NIPA1: variants seen among roughly 807,000 people sequenced by gnomAD.
The protein encoded by NIPA1 is magnesium transporter NIPA1.
A neutral mutation model predicts 23.9 loss-of-function variants in NIPA1; 13 were observed. The ratio of observed to expected loss-of-function variants is 0.54; its 90% CI spans 0.35 to 0.87. NIPA1 has a LOEUF of 0.87. Among genes scored for constraint, NIPA1 ranks in the 40% least tolerant of loss-of-function variants. The pLI is 0.01. For synonymous variants in NIPA1, 234 were observed against 202.9 expected (o/e 1.15, Z -1.30); for missense variants, 362 against 429.7 (o/e 0.84, Z 1.39).
chr15:22,789,670 C>G (rs1894789214), intron 1 of NIPA1, among the ~76,000 whole-genome samples: 1 of 152,122 alleles, frequency 6.6e-6, no homozygotes, highest in African/African-American at 2.4e-5. Context: ...CATGTGGCAC[C>G]AAAGTATGTT....
intron 1 of NIPA1, among the ~76,000 whole-genome samples, chr15:22,801,717 A>G: frequency 6.6e-6 from 1 of 151,828 alleles, no homozygotes; most frequent in South Asian, 2.1e-4. Flanking sequence ...GGGTTTCACC[A>G]TATTGGCCAG....
chr15:22,801,750 T>G (rs751167202), intron 1 of NIPA1, among the ~76,000 whole-genome samples: 15 of 152,092 alleles, frequency 9.9e-5, no homozygotes, highest in Non-Finnish European at 1.6e-4. Flanking sequence ...CTCCTGACCT[T>G]GTGATCCATA....
At chr15:22,818,837 C>T (rs1895476736) in intron 3 of NIPA1, among the ~76,000 whole-genome samples, 1 of 152,180 alleles carries the variant, frequency 6.6e-6, no homozygotes, top group African/African-American at 2.4e-5. Flanking sequence ...GCACTGTCCT[C>T]TGGTATTCCA....
chr15:22,809,628 T>G (rs895873509), intron 1 of NIPA1, among the ~76,000 whole-genome samples: 1 of 151,076 alleles, frequency 6.6e-6, no homozygotes, highest in African/African-American at 2.4e-5. Flanking sequence ...TCCTGTAGTC[T>G]CAGCTACTCG....
chr15:22,815,427 A>G (rs987174585), intron 3 of NIPA1, among the ~76,000 whole-genome samples: 1 of 148,468 alleles, frequency 6.7e-6, no homozygotes, highest in Non-Finnish European at 1.5e-5. Flanking sequence ...CAGGTGGATC[A>G]TTTGAACCCA....
Position 22,827,941 on chromosome 15 carries a change from C to T in NIPA1, c.*3702C>T, listed in dbSNP as rs3812923. 6,687 of 152,194 alleles carry T rather than the reference C, an allele frequency of 0.044. 233 individuals are homozygous for T. Among genetic ancestry groups the T allele is most frequent in the South Asian group, 0.14 (689 of 4,808 alleles). The allele number at this position is 152,194 out of a possible 1,614,324, so 9.4% of individuals were successfully genotyped here. A position where few individuals can be genotyped will look rare whatever the true frequency, so the allele number is the denominator to read the frequency against. Reference sequence around the variant, plus strand: ...CTAACCCAGAAGAGGGGAGAGAGTACTCCGGTGGTTCCCAGAGCCCCTCCC... The same window carrying T: ...CTAACCCAGAAGAGGGGAGAGAGTATTCCGGTGGTTCCCAGAGCCCCTCCC... On this transcript the variant is annotated 3_prime_UTR_variant, in exon 5 of 5. Coordinates refer to ENST00000337435, the MANE Select transcript of NIPA1 (RefSeq NM_144599.5).
At chr15:22,803,800 C>T (rs1895140956) in intron 1 of NIPA1, among the ~76,000 whole-genome samples, 1 of 150,036 alleles carries the variant, frequency 6.7e-6, no homozygotes, top group Non-Finnish European at 1.5e-5. Flanking sequence ...CTGCCTCACG[C>T]TCCCGAGTAG....
chr15:22,818,106 T>TC (rs1378720191), intron 3 of NIPA1, among the ~76,000 whole-genome samples: 1 of 152,134 alleles, frequency 6.6e-6, no homozygotes, highest in African/African-American at 2.4e-5. Context: ...AGAAAAAATT[T>TC]CAAAGTATAT....
intron 1 of NIPA1, among the ~76,000 whole-genome samples, chr15:22,810,171 C>T (rs1395265707): frequency 1.3e-5 from 2 of 152,128 alleles, no homozygotes; most frequent in Non-Finnish European, 2.9e-5. Flanking sequence ...GCTGGGGCTC[C>T]GCCTGCCCTG....
chr15:22,810,859 C>A, intron 2 of NIPA1, 63 bp downstream of exon 2: 2 of 1,319,870 alleles, frequency 1.5e-6, no homozygotes, highest in Non-Finnish European at 2.2e-6. Context: ...CTGGTCTGGG[C>A]AGGGCTGGAG....
At chr15:22,789,426 G>A (rs1203895244) in intron 1 of NIPA1, among the ~76,000 whole-genome samples, 4 of 152,182 alleles carry the variant, frequency 2.6e-5, no homozygotes, top group Non-Finnish European at 5.9e-5. Flanking sequence ...TAGCACCTCA[G>A]TTCTTCCCGG....
intron 4 of NIPA1, 41 bp from the exon 5 acceptor site, chr15:22,823,687 A>T: frequency 1.9e-6 from 3 of 1,570,344 alleles, no homozygotes; most frequent in Non-Finnish European, 2.6e-6. Flanking sequence ...TGCGGCTGCT[A>T]GGCGGTGGCT....
At chr15:22,819,738 A>G (rs1595645448) in intron 3 of NIPA1, among the ~76,000 whole-genome samples, 1 of 152,036 alleles carries the variant, frequency 6.6e-6, no homozygotes, top group Non-Finnish European at 1.5e-5. Context: ...AGATATTAGT[A>G]TTTTTGATTG....
chr15:22,789,559 G>T (rs916059892), intron 1 of NIPA1, among the ~76,000 whole-genome samples: 2 of 152,120 alleles, frequency 1.3e-5, no homozygotes, highest in African/African-American at 2.4e-5. Flanking sequence ...TAGTAAGTAG[G>T]AGAGAAAAGG....
rs556768137 is a variant in NIPA1, at chr15:22,809,669, C to T, written c.179-1080C>T. 2.6e-5 allele frequency among the ~76,000 whole-genome samples: 4 copies of T among 151,398 alleles called. 1 individual carries two copies. Among genetic ancestry groups the T allele is most frequent in the South Asian group, 2.1e-4 (1 of 4,778 alleles). On this transcript the variant is annotated intron_variant, in intron 1 of 4. Transcript: ENST00000337435. The stretch of plus-strand genomic sequence containing the variant: ...CTGAGACGGGAGAATTGTTTGAACC[C>T]GGAAAGTGGAGGTTTCAGTGAGTCA...
intron 1 of NIPA1, among the ~76,000 whole-genome samples, chr15:22,789,056 C>T (rs914923395): frequency 1.3e-5 from 2 of 151,094 alleles, no homozygotes; most frequent in African/African-American, 4.9e-5. Context: ...TGCAATGGCG[C>T]GATCTTGGCT....
intron 3 of NIPA1, chr15:22,814,195 T>A (rs1217298947): frequency 1.1e-6 from 1 of 884,846 alleles, no homozygotes. Context: ...TAAAATTAAT[T>A]TGGAAAAAAA....
rs374817487 is a variant in NIPA1, at chr15:22,823,958, C to G, written c.709C>G (p.Leu237Val). ...CCTGTGCCTGGTACTCCTGGCCGTG[C>G]TCGGCTGCAGCATCATCGTCCAGTT... Reference protein sequence around the residue: ...LCLCLVLLAVLGCSIIVQFRY... With the variant: ...LCLCLVLLAVVGCSIIVQFRY... The change falls in exon 5 of 5, where the codon CTC becomes GTC. Residue 237 changes from leucine to valine, a missense_variant. Leu to Val is a conservative substitution (Grantham distance 32). Around this residue, in one of 2 missense-constraint regions of NIPA1, gnomAD observed 277 missense variants for 372.0 expected, o/e 0.74. Coordinates refer to ENST00000337435, the MANE Select transcript of NIPA1 (RefSeq NM_144599.5). 6.2e-7 allele frequency: 1 copy of G among 1,614,082 alleles called. No homozygotes were observed. The highest frequency in any genetic ancestry group is 1.3e-5 in the African/African-American group (1 of 74,944).
chr15:22,806,114 G>T (rs368791831), intron 1 of NIPA1, among the ~76,000 whole-genome samples: 9 of 152,054 alleles, frequency 5.9e-5, no homozygotes, highest in Admixed American at 5.9e-4. Context: ...TAGCAGAGAC[G>T]GGGTTTCACC....
Sources: gnomAD v4.1 joint callset for allele counts (sites outside exome capture counted in the v4.1 genomes callset) on GRCh38, gnomAD v4.1.1 for gene constraint, gnomAD v4.1.1 regional missense constraint, MANE v1.5 for transcripts, NCBI Gene and HGNC (gene_info 2026-07-23, HGNC 2026-07-21) for gene names.